C1orf87: variants seen among roughly 807,000 people sequenced by gnomAD.
C1orf87 encodes the protein uncharacterized protein C1orf87.
In C1orf87, 58 loss-of-function variants were observed where a neutral mutation model predicts 60.5. The ratio of observed to expected loss-of-function variants is 0.96; its 90% CI spans 0.78 to 1.19. The LOEUF is 1.19. Among genes scored for constraint, C1orf87 ranks in the 50% most tolerant of loss-of-function variants. The probability of loss-of-function intolerance (pLI) is 0.00; values close to 1 mark genes in which losing one functional copy is unlikely to be tolerated. For missense variants in C1orf87, 673 were observed against 638.6 expected, an observed-to-expected ratio of 1.05 and a Z score of -0.58; for synonymous variants, 236 against 227.4, an observed-to-expected ratio of 1.04 and a Z score of -0.34.
intron 2 of C1orf87, among the ~76,000 whole-genome samples, chr1:60,057,741 C>T (rs1252104621): frequency 6.6e-6 from 1 of 152,104 alleles, no homozygotes; most frequent in Non-Finnish European, 1.5e-5. Context: ...TACCTTGGGT[C>T]TCATCGGGGA....
intron 4 of C1orf87, 25 bp from the exon 5 acceptor site, chr1:60,040,205 A>G (rs759203145): frequency 6.3e-7 from 1 of 1,593,818 alleles, no homozygotes; most frequent in South Asian, 1.1e-5. Context: ...AAAAACAAAG[A>G]GCAAGACTCT....
intron 2 of C1orf87, among the ~76,000 whole-genome samples, chr1:60,061,776 CAAAAAAAAAA>C (rs57844722): frequency 0.011 from 571 of 53,174 alleles, 16 homozygotes; most frequent in African/African-American, 0.029. Context: ...CCATCTCTAC[CAAAAAAAAAA>C]AAAAAAAAAA....
intron 8 of C1orf87, among the ~76,000 whole-genome samples, chr1:60,012,803 G>A (rs1645097102): frequency 6.6e-6 from 1 of 152,114 alleles, no homozygotes; most frequent in African/African-American, 2.4e-5. Flanking sequence ...TATGGGGCAT[G>A]TAAGTGACTT....
chr1:60,058,613 GT>G (rs1645473402), intron 2 of C1orf87, among the ~76,000 whole-genome samples: 1 of 152,058 alleles, frequency 6.6e-6, no homozygotes, highest in Non-Finnish European at 1.5e-5. Flanking sequence ...TAAATCAACC[GT>G]ATAGTCAGGT....
chr1:60,008,909 T>C (rs1281468905), intron 9 of C1orf87: 1 of 287,562 alleles, frequency 3.5e-6, no homozygotes, highest in Non-Finnish European at 6.9e-6. Flanking sequence ...CCTAGAACCA[T>C]CTGTGTGGTG....
intron 3 of C1orf87, 124 bp from the exon 4 acceptor site, chr1:60,041,255 A>G: frequency 1.2e-6 from 1 of 852,856 alleles, no homozygotes; most frequent in Non-Finnish European, 1.7e-6. Flanking sequence ...GTTCTAAATG[A>G]ACTTTAGCCC....
At chr1:60,070,365 G>T (rs928895121) in intron 2 of C1orf87, among the ~76,000 whole-genome samples, 6 of 151,852 alleles carry the variant, frequency 4.0e-5, no homozygotes, top group South Asian at 2.1e-4. Context: ...TTTATTTTTT[G>T]ATGTTTACTT....
intron 8 of C1orf87, among the ~76,000 whole-genome samples, chr1:60,021,065 C>T (rs554011699): frequency 5.3e-5 from 8 of 152,238 alleles, no homozygotes; most frequent in Admixed American, 3.3e-4. Flanking sequence ...CTCTCTCCTG[C>T]TTTGCCATGG....
chr1:60,054,412 G>T (rs1470702537), intron 3 of C1orf87, among the ~76,000 whole-genome samples: 1 of 152,176 alleles, frequency 6.6e-6, no homozygotes, highest in Non-Finnish European at 1.5e-5. Flanking sequence ...CTAGCTAGCA[G>T]CTCAGTGATT....
In C1orf87 at chr1:60,053,553, A is replaced by AT. The variant is rs1237369862; in HGVS notation, c.342+1650dup. Among the ~76,000 whole-genome samples the AT allele has an allele frequency of 1.6e-4, 24 of 150,316 alleles. 1 individual carries two copies. In the East Asian group the frequency reaches 4.7e-3, roughly 29 times the overall value. ...ACCATTAAAGATGATGCGTAGGATG[A>AT]TTTTTTTCATGCCAAGGGGAGAATT... On this transcript the variant is annotated intron_variant, in intron 3 of 11. Coordinates refer to ENST00000371201, the MANE Select transcript of C1orf87 (RefSeq NM_152377.3).
intron 9 of C1orf87, among the ~76,000 whole-genome samples, chr1:60,001,500 CA>C: frequency 6.6e-6 from 1 of 152,142 alleles, no homozygotes; most frequent in African/African-American, 2.4e-5. Flanking sequence ...GAGGAAGTGA[CA>C]CAAATTCGCA....
At chr1:60,033,718 C>T in intron 6 of C1orf87, 77 bp from the exon 7 acceptor site, 2 of 1,487,300 alleles carry the variant, frequency 1.3e-6, no homozygotes, top group Non-Finnish European at 1.8e-6. Context: ...TACTACATTT[C>T]TCAACTTTGC....
intron 2 of C1orf87, among the ~76,000 whole-genome samples, chr1:60,057,067 C>G (rs925491671): frequency 1.1e-4 from 17 of 152,038 alleles, no homozygotes; most frequent in Non-Finnish European, 2.1e-4. Context: ...ATGGATACTA[C>G]ATTTAAAGAG....
rs1399431198 is a variant in C1orf87 at position 60,072,529 on chromosome 1, G to A, written c.107+8C>T. The A allele has an allele frequency of 1.9e-6, 3 of 1,576,134 alleles. No individual in the cohort carries two copies. Among genetic ancestry groups the A allele is most frequent in the Non-Finnish European group, 1.7e-6 (2 of 1,155,412 alleles). ...AGCAACATAGATATTTTTCAAATAT[G>A]GACTTACATCTTTGGCTTCTCCACG... On this transcript the variant is annotated splice_region_variant and intron_variant, in intron 2 of 11. Transcript: ENST00000371201.
intron 11 of C1orf87, among the ~76,000 whole-genome samples, chr1:59,996,639 G>T (rs1644965348): frequency 6.6e-6 from 1 of 152,018 alleles, no homozygotes; most frequent in South Asian, 2.1e-4. Flanking sequence ...TTGCACCTTT[G>T]CCAGAAAAGG....
At chr1:60,013,638 C>G (rs1246765309) in intron 8 of C1orf87, among the ~76,000 whole-genome samples, 1 of 149,412 alleles carries the variant, frequency 6.7e-6, no homozygotes, top group East Asian at 2.0e-4. Flanking sequence ...TTGGAGCCTG[C>G]AGAATTGTGG....
intron 2 of C1orf87, among the ~76,000 whole-genome samples, chr1:60,064,018 C>A (rs1251241969): frequency 6.6e-6 from 1 of 151,876 alleles, no homozygotes; most frequent in Admixed American, 6.6e-5. Flanking sequence ...AATCAGCTGC[C>A]AGTGCAGATA....
At position 60,012,879 on chromosome 1, in the gene C1orf87, G is replaced by A. The variant is rs142291514; in HGVS notation, c.1128-2423C>T. Among the ~76,000 whole-genome samples the A allele has an allele frequency of 1.1e-4, 16 of 152,238 alleles. No homozygotes were observed. The East Asian group carries it at 1.7e-3, about 17-fold the overall frequency. ...GCCCTGACTCCAAATCTATTCGAACGTAATGTAACTTGACTTCATTTACAT... is the reference window on the plus strand; with the variant it reads ...GCCCTGACTCCAAATCTATTCGAACATAATGTAACTTGACTTCATTTACAT... On this transcript the variant is annotated intron_variant, in intron 8 of 11. Coordinates refer to ENST00000371201, the MANE Select transcript of C1orf87 (RefSeq NM_152377.3).
intron 7 of C1orf87, among the ~76,000 whole-genome samples, chr1:60,027,280 C>G (rs1450079730): frequency 6.6e-6 from 1 of 152,178 alleles, no homozygotes; most frequent in Non-Finnish European, 1.5e-5. Context: ...CTCACAGAGC[C>G]ACTATTTCCC....
Sources: gnomAD v4.1 joint callset for allele counts (sites outside exome capture counted in the v4.1 genomes callset) on GRCh38, gnomAD v4.1.1 for gene constraint, MANE v1.5 for transcripts, NCBI Gene and HGNC (gene_info 2026-07-23, HGNC 2026-07-21) for gene names.